Variants in RALYL observed in about 807,000 individuals in gnomAD.
RALYL encodes the protein RNA-binding Raly-like protein.
Under a neutral mutation model 35.1 loss-of-function variants are expected in RALYL, and 29 were observed. The ratio of observed to expected loss-of-function variants is 0.83; its 90% confidence interval spans 0.61 to 1.13. The LOEUF (loss-of-function observed/expected upper bound fraction) is 1.13, where lower values mean the gene tolerates loss of function less well. RALYL is among the 50% of genes most tolerant of loss of function. The probability of loss-of-function intolerance (pLI) is 0.00; values close to 1 mark genes in which losing one functional copy is unlikely to be tolerated. For synonymous variants in RALYL, 120 were observed against 127.6 expected (o/e 0.94, Z 0.40); for missense variants, 359 against 360.4 (o/e 1.00, Z 0.03).
At chr8:84,610,886 G>A (rs1379674633) in intron 2 of RALYL, among the ~76,000 whole-genome samples, 4 of 152,054 alleles carry the variant, frequency 2.6e-5, no homozygotes, top group Admixed American at 2.6e-4. Context: ...GTGTATGTGT[G>A]TATATTTTGT....
At chr8:84,669,335 C>T (rs923043036) in intron 2 of RALYL, among the ~76,000 whole-genome samples, 8 of 151,996 alleles carry the variant, frequency 5.3e-5, no homozygotes, top group Admixed American at 5.2e-4. Context: ...TTTGGAACAC[C>T]CATGTGCTTC....
chr8:84,606,389 T>C lies in RALYL; in HGVS notation c.256+76812T>C, dbSNP rs994493800. Among the ~76,000 whole-genome samples, 4 of 152,156 alleles carry C rather than the reference T, an allele frequency of 2.6e-5. No individual in the cohort carries two copies. The East Asian group carries it at 7.7e-4, about 29-fold the overall frequency. ...CCTTGAGCTTGTAAATAATCCTTAA[T>C]GTTAGTCTTTGGTTTCATGTGTGTC... On this transcript the variant is annotated intron_variant, in intron 2 of 8. Transcript: ENST00000521268.
At chr8:84,684,474 T>A (rs1318846742) in intron 2 of RALYL, among the ~76,000 whole-genome samples, 1 of 152,126 alleles carries the variant, frequency 6.6e-6, no homozygotes, top group Non-Finnish European at 1.5e-5. Context: ...CTGGAAAAGT[T>A]TTTGATTGAG....
intron 4 of RALYL, among the ~76,000 whole-genome samples, chr8:84,811,012 G>C (rs1178589383): frequency 6.6e-6 from 1 of 152,014 alleles, no homozygotes; most frequent in Non-Finnish European, 1.5e-5. Context: ...TGAGATGTGA[G>C]GTACCGTTGC....
At chr8:84,589,897 C>T (rs1468005625) in intron 2 of RALYL, among the ~76,000 whole-genome samples, 1 of 152,198 alleles carries the variant, frequency 6.6e-6, no homozygotes, top group African/African-American at 2.4e-5. Flanking sequence ...TCAGTCATCA[C>T]ATTATCTGTA....
chr8:84,400,531 G>T (rs2042783499), intron 1 of RALYL, among the ~76,000 whole-genome samples: 1 of 152,202 alleles, frequency 6.6e-6, no homozygotes, highest in African/African-American at 2.4e-5. Flanking sequence ...AATTTAGCCT[G>T]TAGTGCTCAG....
chr8:84,642,642 C>A (rs1357642167), intron 2 of RALYL, among the ~76,000 whole-genome samples: 1 of 152,018 alleles, frequency 6.6e-6, no homozygotes, highest in African/African-American at 2.4e-5. Flanking sequence ...ACTATGTAAC[C>A]AGCTGGAGTC....
chr8:84,817,415 T>A (rs1347857316), intron 4 of RALYL, among the ~76,000 whole-genome samples: 1 of 152,030 alleles, frequency 6.6e-6, no homozygotes, highest in Admixed American at 6.6e-5. Flanking sequence ...GCCCAAGTTC[T>A]GTGATTTGAT....
At chr8:84,310,435 T>C (rs146590107) in intron 1 of RALYL, among the ~76,000 whole-genome samples, 8 of 151,448 alleles carry the variant, frequency 5.3e-5, no homozygotes, top group Admixed American at 2.0e-4. Flanking sequence ...ACAATGTCTA[T>C]GTATATCAAA....
In RALYL at chr8:84,240,455, G is replaced by A. The variant is rs1384167000; in HGVS notation, c.-24+56031G>A. 1.5e-4 allele frequency among the ~76,000 whole-genome samples: 23 copies of A among 152,124 alleles called. 1 individual carries two copies. The highest frequency in any genetic ancestry group is 1.3e-3 in the Admixed American group (20 of 15,270). On this transcript the variant is annotated intron_variant, in intron 1 of 8. Transcript: ENST00000521268. ...GATATTTATTGAATGCCTATTAAGT[G>A]CAACACTGTTACTAAGAAATAAATA... is the stretch of plus-strand genomic sequence containing the variant.
chr8:84,812,591 G>A (rs747331132), intron 4 of RALYL, among the ~76,000 whole-genome samples: 7 of 152,154 alleles, frequency 4.6e-5, no homozygotes, highest in African/African-American at 9.7e-5. Flanking sequence ...GCTCTCCTTC[G>A]ATGGGTCTTG....
intron 2 of RALYL, among the ~76,000 whole-genome samples, chr8:84,728,642 G>A (rs556925999): frequency 5.3e-5 from 8 of 152,090 alleles, no homozygotes; most frequent in East Asian, 1.9e-4. Flanking sequence ...ATCTTGAATT[G>A]ATTTTTGTAT....
chr8:84,369,855 CTATT>C (rs1855325810), intron 1 of RALYL, among the ~76,000 whole-genome samples: 1 of 152,030 alleles, frequency 6.6e-6, no homozygotes, highest in Non-Finnish European at 1.5e-5. Context: ...CCAAAGAAAA[CTATT>C]TAGGCATCAA....
rs116475627 is a variant in RALYL at position 84,209,683 on chromosome 8, G to T, written c.-24+25259G>T. ...GCCTAGGATGGAGCTGGAAATCTAT[G>T]TGTTAGAAGTCCCTCAGTTTGTTTT... On this transcript the variant is annotated intron_variant, in intron 1 of 8. Coordinates refer to ENST00000521268, the MANE Select transcript of RALYL (RefSeq NM_173848.7). Among the ~76,000 whole-genome samples, 1,082 of 152,236 alleles carry T rather than the reference G, an allele frequency of 7.1e-3. 11 individuals are homozygous for T. Among genetic ancestry groups the T allele is most frequent in the African/African-American group, 0.024 (1,004 of 41,538 alleles).
intron 1 of RALYL, among the ~76,000 whole-genome samples, chr8:84,234,355 G>T (rs950670593): frequency 6.6e-6 from 1 of 152,036 alleles, no homozygotes; most frequent in Non-Finnish European, 1.5e-5. Context: ...CTTATTCTCT[G>T]TTATAAAATG....
chr8:84,703,103 C>CA (rs1490026114), intron 2 of RALYL, among the ~76,000 whole-genome samples: 1 of 152,098 alleles, frequency 6.6e-6, no homozygotes, highest in Non-Finnish European at 1.5e-5. Flanking sequence ...GTTCCACTTT[C>CA]ACCAAGGACT....
rs1010796334 is a variant in RALYL at position 84,221,992 on chromosome 8, G to A, written c.-24+37568G>A. ...ATATCTATCTTTGTGTTTAGGCTTA[G>A]TATGACTGTTTTAAATATTCTGAGG... On this transcript the variant is annotated intron_variant, in intron 1 of 8. Coordinates refer to ENST00000521268, the MANE Select transcript of RALYL (RefSeq NM_173848.7). Among the ~76,000 whole-genome samples, 22 of 151,912 alleles carry A rather than the reference G, an allele frequency of 1.4e-4. 1 individual carries two copies. Among genetic ancestry groups the A allele is most frequent in the Admixed American group, 1.3e-3 (20 of 15,212 alleles).
At chr8:84,207,798 ATGTG>A (rs575104571) in intron 1 of RALYL, among the ~76,000 whole-genome samples, 4 of 143,836 alleles carry the variant, frequency 2.8e-5, no homozygotes, top group African/African-American at 5.2e-5. Context: ...TCATTTCATA[ATGTG>A]TGTGTGTGTG....
At chr8:84,276,929 C>G (rs1222136884) in intron 1 of RALYL, among the ~76,000 whole-genome samples, 2 of 152,150 alleles carry the variant, frequency 1.3e-5, no homozygotes, top group Middle Eastern at 3.2e-3. Flanking sequence ...GTCTTCATGT[C>G]AGGGATAATC....
Sources: allele counts gnomAD v4.1 joint callset (sites outside exome capture counted in the v4.1 genomes callset), GRCh38; gene constraint gnomAD v4.1.1; transcripts MANE v1.5; gene names NCBI Gene and HGNC (gene_info 2026-07-23, HGNC 2026-07-21).